BCL2: variants seen among roughly 807,000 people sequenced by gnomAD.
The protein encoded by BCL2 is apoptosis regulator Bcl-2.
BCL2 carries 1 observed loss-of-function variant against 14.2 expected under a neutral mutation model. The observed-to-expected ratio is 0.07, with a 90% confidence interval of 0.02 to 0.33. BCL2 has a LOEUF of 0.33. Among genes scored for constraint, BCL2 ranks in the 10% least tolerant of loss-of-function variants. The pLI, the probability that BCL2 is intolerant of heterozygous loss-of-function variation, is 0.99. For missense variants in BCL2, 247 were observed against 305.9 expected, an observed-to-expected ratio of 0.81 and a Z score of 1.44; for synonymous variants, 151 against 137.2, an observed-to-expected ratio of 1.10 and a Z score of -0.70.
chr18:63,210,860 G>A (rs1026435474), intron 2 of BCL2, among the ~76,000 whole-genome samples: 1 of 151,808 alleles, frequency 6.6e-6, no homozygotes, highest in Non-Finnish European at 1.5e-5. Context: ...CAGTCCTGGC[G>A]ACCCACACTT....
Position 63,128,110 on chromosome 18 carries a change from T to A in BCL2, c.*515A>T. On this transcript the variant is annotated 3_prime_UTR_variant, in exon 3 of 3. Transcript: ENST00000333681. ...CACAGGAACCCTCCCTCTGTTAATA[T>A]CACAGCCCCCAGGGCAAAGAAATGC... 1 of 227,904 alleles carries A rather than the reference T, an allele frequency of 4.4e-6. No homozygotes were observed. The highest frequency in any genetic ancestry group is 8.7e-6 in the Non-Finnish European group (1 of 114,652). The allele number at this position is 227,904 out of a possible 1,614,324, so 14.1% of individuals were successfully genotyped here.
chr18:63,189,442 A>G (rs2144650183), intron 2 of BCL2, among the ~76,000 whole-genome samples: 1 of 152,278 alleles, frequency 6.6e-6, no homozygotes, highest in African/African-American at 2.4e-5. Flanking sequence ...TAGGTTAGGT[A>G]TATCAAGTTC....
intron 2 of BCL2, among the ~76,000 whole-genome samples, chr18:63,276,586 T>C (rs1182545424): frequency 6.6e-6 from 1 of 152,272 alleles, no homozygotes; most frequent in East Asian, 1.9e-4. Context: ...TTTTCATAAA[T>C]GCTGGATTTC....
intron 2 of BCL2, among the ~76,000 whole-genome samples, chr18:63,160,986 C>T (rs745828009): frequency 3.3e-5 from 5 of 152,088 alleles, no homozygotes; most frequent in Non-Finnish European, 7.4e-5. Context: ...TATGTCTTCA[C>T]GGCAAAAACA....
At chr18:63,139,699 T>C (rs1196640650) in intron 2 of BCL2, among the ~76,000 whole-genome samples, 2 of 152,206 alleles carry the variant, frequency 1.3e-5, no homozygotes, top group Non-Finnish European at 2.9e-5. Context: ...TCACCTGCTT[T>C]CCAGTGTTTT....
chr18:63,236,364 A>G (rs1289263866), intron 2 of BCL2, among the ~76,000 whole-genome samples: 2 of 152,162 alleles, frequency 1.3e-5, no homozygotes, highest in Admixed American at 1.3e-4. Flanking sequence ...GAGTGTTAAT[A>G]TGATCATTTG....
At chr18:63,164,427 C>G (rs1599218366) in intron 2 of BCL2, among the ~76,000 whole-genome samples, 1 of 152,196 alleles carries the variant, frequency 6.6e-6, no homozygotes, top group East Asian at 1.9e-4. Flanking sequence ...AAGAAGAAAA[C>G]CTCATCCTGG....
chr18:63,276,655 C>A (rs1912162314), intron 2 of BCL2, among the ~76,000 whole-genome samples: 1 of 152,220 alleles, frequency 6.6e-6, no homozygotes, highest in Non-Finnish European at 1.5e-5. Context: ...TTCACCATTT[C>A]AGAAATATCA....
At chr18:63,150,390 G>C (rs1373065407) in intron 2 of BCL2, among the ~76,000 whole-genome samples, 1 of 152,262 alleles carries the variant, frequency 6.6e-6, no homozygotes, top group African/African-American at 2.4e-5. Flanking sequence ...TGTGGGCCCA[G>C]GAGGGCTGAA....
At chr18:63,214,780 G>C (rs1040335312) in intron 2 of BCL2, among the ~76,000 whole-genome samples, 1 of 151,966 alleles carries the variant, frequency 6.6e-6, no homozygotes, top group East Asian at 1.9e-4. Context: ...GCACGATCTT[G>C]GCTCACTGCA....
chr18:63,172,381 A>C (rs1915242155), intron 2 of BCL2, among the ~76,000 whole-genome samples: 1 of 152,162 alleles, frequency 6.6e-6, no homozygotes, highest in Non-Finnish European at 1.5e-5. Flanking sequence ...GGTCCTGAAG[A>C]ACTGGTGAGA....
chr18:63,236,971 C>T (rs1282563630), intron 2 of BCL2, among the ~76,000 whole-genome samples: 1 of 152,086 alleles, frequency 6.6e-6, no homozygotes, highest in Non-Finnish European at 1.5e-5. Flanking sequence ...CTTTTAAAAT[C>T]TGAAACGGGA....
chr18:63,178,899 C>CAAAAAAAAAAAAAAAAAAAAAAA (rs111876869), intron 2 of BCL2, among the ~76,000 whole-genome samples: 1 of 132,920 alleles, frequency 7.5e-6, no homozygotes. Context: ...GGGTTCAAGG[C>CAAAAAAAAAAAAAAAAAAAAAAA]AAAAAAAAAA....
rs926397543 is a variant in BCL2 at position 63,125,544 on chromosome 18, T to C, written c.*3081A>G. 2.3e-5 allele frequency: 5 copies of C among 215,582 alleles called. No individual in the cohort carries two copies. The highest frequency in any genetic ancestry group is 1.1e-4 in the African/African-American group (5 of 44,340). The allele number at this position is 215,582 out of a possible 1,614,324, so 13.4% of individuals were successfully genotyped here. A position where few individuals can be genotyped will look rare whatever the true frequency, so the allele number is the denominator to read the frequency against. On this transcript the variant is annotated 3_prime_UTR_variant, in exon 3 of 3. Transcript: ENST00000333681. ...TCTATTTAACTCTGACCCTGGCCAG[T>C]GTAAAGAGGAGTACATACAGAGGAC...
At chr18:63,299,013 T>C (rs1473406105) in intron 2 of BCL2, among the ~76,000 whole-genome samples, 1 of 152,194 alleles carries the variant, frequency 6.6e-6, no homozygotes, top group Non-Finnish European at 1.5e-5. Flanking sequence ...ACAGCTGTAA[T>C]GGGTCCCCCT....
At chr18:63,189,201 A>G (rs940687805) in intron 2 of BCL2, among the ~76,000 whole-genome samples, 1 of 151,630 alleles carries the variant, frequency 6.6e-6, no homozygotes, top group African/African-American at 2.4e-5. Context: ...AAAAAAAAAA[A>G]AAAAGAAAAA....
chr18:63,159,329 A>G (rs944586981), intron 2 of BCL2, among the ~76,000 whole-genome samples: 2 of 152,220 alleles, frequency 1.3e-5, no homozygotes, highest in East Asian at 3.8e-4. Flanking sequence ...CGCCTCCACT[A>G]AGACATCAAC....
At chr18:63,137,495 AT>A (rs1568212943) in intron 2 of BCL2, among the ~76,000 whole-genome samples, 2 of 152,170 alleles carry the variant, frequency 1.3e-5, no homozygotes, top group East Asian at 1.9e-4. Flanking sequence ...AATAGATAAT[AT>A]TTTTTTAAAA....
intron 2 of BCL2, among the ~76,000 whole-genome samples, chr18:63,278,338 C>T (rs570449049): frequency 5.9e-5 from 9 of 152,226 alleles, no homozygotes; most frequent in Non-Finnish European, 1.3e-4. Context: ...GACAAAGACT[C>T]TCCTAGATCA....
Sources: allele counts gnomAD v4.1 joint callset (sites outside exome capture counted in the v4.1 genomes callset), GRCh38; gene constraint gnomAD v4.1.1; transcripts MANE v1.5; gene names NCBI Gene and HGNC (gene_info 2026-07-23, HGNC 2026-07-21).